Variants in PRKN observed in about 807,000 individuals in gnomAD.
PRKN encodes E3 ubiquitin-protein ligase parkin.
A neutral mutation model predicts 59.5 loss-of-function variants in PRKN; 56 were observed. The observed-to-expected ratio is 0.94, with a 90% CI of 0.76 to 1.18. The LOEUF is 1.18. Among genes scored for constraint, PRKN ranks in the 50% most tolerant of loss-of-function variants. The pLI, the probability that PRKN is intolerant of heterozygous loss-of-function variation, is 0.00. For synonymous variants in PRKN, 250 were observed against 222.1 expected, an observed-to-expected ratio of 1.13 and a Z score of -1.12; for missense variants, 657 against 596.4, an observed-to-expected ratio of 1.10 and a Z score of -1.06.
intron 9 of PRKN, among the ~76,000 whole-genome samples, chr6:161,515,130 A>G (rs1323963668): frequency 6.6e-6 from 1 of 152,132 alleles, no homozygotes; most frequent in Non-Finnish European, 1.5e-5. Flanking sequence ...GCACATTCAC[A>G]CTACTGACAT....
chr6:162,241,126 A>C (rs2128091506), intron 3 of PRKN, among the ~76,000 whole-genome samples: 1 of 152,304 alleles, frequency 6.6e-6, no homozygotes, highest in African/African-American at 2.4e-5. Context: ...TTCCTCTTCT[A>C]CTGCAATTCT....
chr6:162,541,798 A>T (rs544155570), intron 1 of PRKN, among the ~76,000 whole-genome samples: 1 of 152,258 alleles, frequency 6.6e-6, no homozygotes, highest in East Asian at 1.9e-4. Context: ...TACCCTAAGT[A>T]TAAGAGTTAA....
chr6:162,438,850 T>G (rs1225221053), intron 2 of PRKN, among the ~76,000 whole-genome samples: 1 of 152,198 alleles, frequency 6.6e-6, no homozygotes, highest in Non-Finnish European at 1.5e-5. Context: ...CTTTGGAAGT[T>G]TCCAACACTT....
At chr6:162,418,613 A>AGTGTGT (rs140621171) in intron 2 of PRKN, among the ~76,000 whole-genome samples, 2,649 of 126,370 alleles carry the variant, frequency 0.021, 60 homozygotes, top group Non-Finnish European at 0.024. Context: ...AGGGACAGAC[A>AGTGTGT]GTGTGTGTGT....
chr6:161,885,967 A>G (rs929873179), intron 6 of PRKN, among the ~76,000 whole-genome samples: 2 of 152,098 alleles, frequency 1.3e-5, no homozygotes, highest in African/African-American at 2.4e-5. Flanking sequence ...GGGGATATAA[A>G]ATAATGGTTT....
rs1412595714 is a variant in PRKN, at chr6:161,562,492, G to T, written c.933+6863C>A. ...CTTGGCTTCTTCTGAGAATCCCCAT[G>T]GGTTTAAAATTTCCTCTACATGCTG... On this transcript the variant is annotated intron_variant, in intron 8 of 11. Transcript: ENST00000366898. This position sits in a 1 kb window ranked among gnomAD's most constrained non-coding sequence, Gnocchi z 4.3. Among the ~76,000 whole-genome samples the T allele has an allele frequency of 6.6e-6, 1 of 152,122 alleles. No homozygotes were observed. The highest frequency in any genetic ancestry group is 1.5e-5 in the Non-Finnish European group (1 of 68,004).
chr6:162,102,959 C>T (rs561587614), intron 4 of PRKN, among the ~76,000 whole-genome samples: 70 of 149,992 alleles, frequency 4.7e-4, no homozygotes, highest in Non-Finnish European at 8.6e-4. Flanking sequence ...AGGAGAATGG[C>T]GTGAACCCGG....
intron 3 of PRKN, among the ~76,000 whole-genome samples, chr6:162,218,552 T>C (rs928593600): frequency 4.6e-5 from 7 of 152,182 alleles, no homozygotes; most frequent in African/African-American, 1.7e-4. Context: ...TTTATTCGTT[T>C]ATTAGTTATT....
chr6:161,601,104 C>T (rs940058235), intron 7 of PRKN, among the ~76,000 whole-genome samples: 2 of 152,206 alleles, frequency 1.3e-5, no homozygotes, highest in Non-Finnish European at 2.9e-5. Flanking sequence ...AATTACTCAA[C>T]ATTACATTTC....
At chr6:162,478,552 G>A (rs1792137735) in intron 1 of PRKN, among the ~76,000 whole-genome samples, 1 of 152,220 alleles carries the variant, frequency 6.6e-6, no homozygotes, top group Non-Finnish European at 1.5e-5. Flanking sequence ...ATAAGCAGGT[G>A]TCTGTGACCT....
At chr6:162,703,179 A>G (rs990496479) in intron 1 of PRKN, among the ~76,000 whole-genome samples, 1 of 152,208 alleles carries the variant, frequency 6.6e-6, no homozygotes, top group Non-Finnish European at 1.5e-5. Context: ...AAAAGTGAAA[A>G]TTAAGCTATT....
chr6:162,328,471 T>C (rs1374573743), intron 2 of PRKN, among the ~76,000 whole-genome samples: 1 of 152,138 alleles, frequency 6.6e-6, no homozygotes, highest in African/African-American at 2.4e-5. Flanking sequence ...TTCAAAAGCA[T>C]TTACTGAACA....
Position 161,545,438 on chromosome 6 carries a change from C to T in PRKN, c.1083+3416G>A. 6.2e-7 allele frequency: 1 copy of T among 1,604,060 alleles called. No individual in the cohort carries two copies. The highest frequency in any genetic ancestry group is 8.5e-7 in the Non-Finnish European group (1 of 1,171,976). ...CTTATTTTGTTCTTCGTTGTCCATA[C>T]TGTGAGAGCAAAGAGTAAAAAGAGA... On this transcript the variant is annotated intron_variant, in intron 9 of 11. Coordinates refer to ENST00000366898, the MANE Select transcript of PRKN (RefSeq NM_004562.3). This position sits in a 1 kb window ranked among gnomAD's most constrained non-coding sequence, Gnocchi z 4.1.
chr6:162,093,069 C>T (rs1467449443), intron 4 of PRKN, among the ~76,000 whole-genome samples: 2 of 152,180 alleles, frequency 1.3e-5, no homozygotes, highest in African/African-American at 2.4e-5. Context: ...CTAATTCTGT[C>T]GCTTCTAATT....
rs1781466316 is a variant in PRKN at position 161,584,846 on chromosome 6, AT to A, written c.872-15431del. Among the ~76,000 whole-genome samples the A allele has an allele frequency of 6.6e-6, 1 of 152,220 alleles. No individual in the cohort carries two copies. Among genetic ancestry groups the A allele is most frequent in the South Asian group, 2.1e-4 (1 of 4,830 alleles). Reference sequence around the variant, plus strand: ...TGCAGCGATTTTTCAGCATGTCAAAATTATACTATCACACCATGGAAACAAA... The same window carrying A: ...TGCAGCGATTTTTCAGCATGTCAAAATATACTATCACACCATGGAAACAAA... On this transcript the variant is annotated intron_variant, in intron 7 of 11. Coordinates refer to ENST00000366898, the MANE Select transcript of PRKN (RefSeq NM_004562.3). The surrounding 1 kb of genome is among the most constrained non-coding windows in gnomAD (Gnocchi z 4.8).
chr6:161,942,171 G>C (rs1779589782), intron 6 of PRKN, among the ~76,000 whole-genome samples: 1 of 152,060 alleles, frequency 6.6e-6, no homozygotes, highest in African/African-American at 2.4e-5. Context: ...ACAACCACAG[G>C]GGCCTCTGGG....
chr6:161,578,763 G>A lies in PRKN; in HGVS notation c.872-9347C>T, dbSNP rs534453977. On this transcript the variant is annotated intron_variant, in intron 7 of 11. Coordinates refer to ENST00000366898, the MANE Select transcript of PRKN (RefSeq NM_004562.3). The surrounding 1 kb of genome is among the most constrained non-coding windows in gnomAD (Gnocchi z 4.2). ...GTCATTTGGGAGGTTTGAGACAGAG[G>A]ACAAGGTAGAACATGCAGTAACAAA... Among the ~76,000 whole-genome samples the A allele has an allele frequency of 5.3e-5, 8 of 152,298 alleles. No individual in the cohort carries two copies. The East Asian group carries it at 1.5e-3, about 29-fold the overall frequency.
chr6:161,582,029 C>G lies in PRKN; in HGVS notation c.872-12613G>C, dbSNP rs1258283938. Among the ~76,000 whole-genome samples the G allele has an allele frequency of 6.6e-6, 1 of 152,150 alleles. No homozygotes were observed. Among genetic ancestry groups the G allele is most frequent in the Non-Finnish European group, 1.5e-5 (1 of 68,028 alleles). On this transcript the variant is annotated intron_variant, in intron 7 of 11. Transcript: ENST00000366898. This position sits in a 1 kb window ranked among gnomAD's most constrained non-coding sequence, Gnocchi z 4.4. ...ATCAGAGAAGGAGTTTTTGACTTAA[C>G]TTGTTACTCCCCAGCTCACCGTGCC...
chr6:161,888,683 T>C (rs1194195680), intron 6 of PRKN, among the ~76,000 whole-genome samples: 2 of 152,172 alleles, frequency 1.3e-5, no homozygotes, highest in Middle Eastern at 6.3e-3. Flanking sequence ...ATCTTCATAA[T>C]CCTCCAGCAT....
Sources: gnomAD v4.1 joint callset for allele counts (sites outside exome capture counted in the v4.1 genomes callset) on GRCh38, gnomAD v4.1.1 for gene constraint, Gnocchi (gnomAD v3.1) non-coding constraint, MANE v1.5 for transcripts, NCBI Gene and HGNC (gene_info 2026-07-23, HGNC 2026-07-21) for gene names.